NDST4: variants seen among roughly 807,000 people sequenced by gnomAD.
NDST4 encodes the protein N-deacetylase and N-sulfotransferase 4.
NDST4 carries 63 observed loss-of-function variants against 100.8 expected under a neutral mutation model. The observed-to-expected ratio is 0.62, with a 90% CI of 0.51 to 0.77. NDST4 has a LOEUF of 0.77. Among genes scored for constraint, NDST4 ranks in the 30% least tolerant of loss-of-function variants. The pLI is 0.00. For missense variants in NDST4, 943 were observed against 1,018.4 expected (o/e 0.93, Z 1.01); for synonymous variants, 377 against 361.8 (o/e 1.04, Z -0.48).
chr4:114,839,909 A>C (rs1256842176), intron 10 of NDST4, among the ~76,000 whole-genome samples: 1 of 152,160 alleles, frequency 6.6e-6, no homozygotes, highest in Non-Finnish European at 1.5e-5. Context: ...GATTTTCTTC[A>C]TGGATATTAT....
At chr4:115,084,346 T>G (rs1369822126) in intron 1 of NDST4, among the ~76,000 whole-genome samples, 1 of 152,160 alleles carries the variant, frequency 6.6e-6, no homozygotes, top group African/African-American at 2.4e-5. Context: ...TTTGGAAAAT[T>G]TGCAGCCCGA....
intron 4 of NDST4, among the ~76,000 whole-genome samples, chr4:114,954,865 T>G (rs1726103835): frequency 6.6e-6 from 1 of 152,150 alleles, no homozygotes; most frequent in Non-Finnish European, 1.5e-5. Flanking sequence ...GTGAATTCTC[T>G]GCAAATCTGG....
intron 6 of NDST4, among the ~76,000 whole-genome samples, chr4:114,874,100 G>A (rs540159130): frequency 4.6e-3 from 701 of 151,426 alleles, no homozygotes; most frequent in Middle Eastern, 0.014. Context: ...AGATATTATT[G>A]AAAAAAAAGA....
chr4:115,055,574 A>C (rs1201498217), intron 2 of NDST4, among the ~76,000 whole-genome samples: 1 of 152,164 alleles, frequency 6.6e-6, no homozygotes, highest in Admixed American at 6.6e-5. Flanking sequence ...ACCTGAGTTC[A>C]AGTTGTCATT....
At chr4:114,913,147 T>G (rs1725097410) in intron 6 of NDST4, among the ~76,000 whole-genome samples, 1 of 151,942 alleles carries the variant, frequency 6.6e-6, no homozygotes, top group Non-Finnish European at 1.5e-5. Context: ...AAATTATATT[T>G]TTTTTCAAAA....
At chr4:114,852,014 A>G (rs1180095943) in intron 8 of NDST4, among the ~76,000 whole-genome samples, 1 of 152,166 alleles carries the variant, frequency 6.6e-6, no homozygotes, top group Non-Finnish European at 1.5e-5. Flanking sequence ...GCAACTCAAT[A>G]AAACTTTAAT....
Position 115,022,388 on chromosome 4 carries a change from C to CCA in NDST4, c.979-45116_979-45115dup, listed in dbSNP as rs1423822683. Reference sequence around the variant, plus strand: ...TATGTGTTCCATGTACATATGTGTTCCATATATATGTGTTCCATATATATG... The same window carrying CCA: ...TATGTGTTCCATGTACATATGTGTTCCACATATATATGTGTTCCATATATATG... On this transcript the variant is annotated intron_variant, in intron 2 of 13. Coordinates refer to ENST00000264363, the MANE Select transcript of NDST4 (RefSeq NM_022569.3). 1.1e-3 allele frequency among the ~76,000 whole-genome samples: 150 copies of CCA among 131,424 alleles called. 19 individuals carry two copies. The highest frequency in any genetic ancestry group is 4.0e-3 in the African/African-American group (141 of 35,038). 86.2% of individuals were successfully genotyped at this position (131,424 alleles called of 152,430 possible).
intron 1 of NDST4, among the ~76,000 whole-genome samples, chr4:115,100,208 T>C (rs1158350034): frequency 1.3e-5 from 2 of 152,046 alleles, no homozygotes; most frequent in African/African-American, 4.8e-5. Flanking sequence ...TTTAGGGTAG[T>C]GAAATTTTTC....
At chr4:114,879,641 G>A (rs540266475) in intron 6 of NDST4, among the ~76,000 whole-genome samples, 207 of 152,180 alleles carry the variant, frequency 1.4e-3, no homozygotes, top group African/African-American at 4.6e-3. Flanking sequence ...TCTTCAATGA[G>A]TAGTAAAATA....
chr4:114,952,287 T>C (rs1034925154), intron 4 of NDST4, among the ~76,000 whole-genome samples: 31 of 152,108 alleles, frequency 2.0e-4, no homozygotes, highest in Non-Finnish European at 3.1e-4. Flanking sequence ...GAAGTGTATT[T>C]TGTAGGGGGC....
intron 6 of NDST4, among the ~76,000 whole-genome samples, chr4:114,889,432 TAAGTA>T (rs1004974419): frequency 2.0e-5 from 3 of 152,102 alleles, no homozygotes; most frequent in African/African-American, 4.8e-5. Flanking sequence ...AAGAATATAT[TAAGTA>T]AAGTAATCAG....
At chr4:114,908,193 C>A (rs1213891931) in intron 6 of NDST4, among the ~76,000 whole-genome samples, 1 of 152,084 alleles carries the variant, frequency 6.6e-6, no homozygotes, top group South Asian at 2.1e-4. Flanking sequence ...AGGGGAAAAT[C>A]CCAATGCTAT....
intron 6 of NDST4, among the ~76,000 whole-genome samples, chr4:114,927,087 T>C (rs1725400562): frequency 6.6e-6 from 1 of 152,086 alleles, no homozygotes; most frequent in African/African-American, 2.4e-5. Context: ...ATTAGATATC[T>C]TCCCATTTTA....
At position 115,022,378 on chromosome 4, in the gene NDST4, C is replaced by CATATGTGTTCCACAT. The variant is rs1560570035; in HGVS notation, c.979-45105_979-45104insATGTGGAACACATAT. On this transcript the variant is annotated intron_variant, in intron 2 of 13. Coordinates refer to ENST00000264363, the MANE Select transcript of NDST4 (RefSeq NM_022569.3). ...TCCACGTACATATGTGTTCCATGTA[C>CATATGTGTTCCACAT]ATATGTGTTCCATATATATGTGTTC... is the stretch of plus-strand genomic sequence containing the variant. 3.7e-3 allele frequency among the ~76,000 whole-genome samples: 69 copies of CATATGTGTTCCACAT among 18,788 alleles called. 6 individuals are homozygous for CATATGTGTTCCACAT. Among genetic ancestry groups the CATATGTGTTCCACAT allele is most frequent in the African/African-American group, 0.013 (66 of 4,958 alleles). The allele number at this position is 18,788 out of a possible 152,430, so 12.3% of individuals were successfully genotyped here.
Position 114,957,684 on chromosome 4 carries a change from C to T in NDST4, c.1221+12746G>A, listed in dbSNP as rs148290030. ...CAAGGCAAGCCCCTTCCATCTATGA[C>T]GGTAAAATCAAAAGCAAATTATTTA... is the stretch of plus-strand genomic sequence containing the variant. On this transcript the variant is annotated intron_variant, in intron 4 of 13. Coordinates refer to ENST00000264363, the MANE Select transcript of NDST4 (RefSeq NM_022569.3). Among the ~76,000 whole-genome samples, 218 of 152,262 alleles carry T rather than the reference C, an allele frequency of 1.4e-3. 1 individual carries two copies. The highest frequency in any genetic ancestry group is 4.8e-3 in the African/African-American group (198 of 41,554).
chr4:114,990,260 AAC>A (rs531017628), intron 2 of NDST4, among the ~76,000 whole-genome samples: 218 of 152,242 alleles, frequency 1.4e-3, no homozygotes, highest in African/African-American at 5.0e-3. Context: ...AAGAATAAAA[AAC>A]ACATTATTAC....
intron 6 of NDST4, among the ~76,000 whole-genome samples, chr4:114,923,463 T>C (rs545121376): frequency 2.7e-4 from 41 of 152,082 alleles, no homozygotes; most frequent in Non-Finnish European, 5.1e-4. Context: ...GATAATAAAA[T>C]CTAGCATTTT....
intron 12 of NDST4, 142 bp from the exon 13 acceptor site, chr4:114,830,034 T>G: frequency 1.6e-6 from 1 of 645,070 alleles, no homozygotes; most frequent in Non-Finnish European, 2.7e-6. Flanking sequence ...ATTTAGCTGA[T>G]TTGAGAGAGG....
At chr4:114,878,932 A>G (rs568228712) in intron 6 of NDST4, among the ~76,000 whole-genome samples, 129 of 152,194 alleles carry the variant, frequency 8.5e-4, no homozygotes, top group African/African-American at 3.0e-3. Context: ...ATTTCTGGTT[A>G]AACCAGTAAA....
Sources: gnomAD v4.1 joint callset for allele counts (sites outside exome capture counted in the v4.1 genomes callset) on GRCh38, gnomAD v4.1.1 for gene constraint, MANE v1.5 for transcripts, NCBI Gene and HGNC (gene_info 2026-07-23, HGNC 2026-07-21) for gene names.